The following C12orf42 variants were observed in gnomAD, a reference collection of about 807,000 sequenced individuals.
C12orf42 encodes the protein uncharacterized protein C12orf42.
C12orf42 carries 25 observed loss-of-function variants against 21.6 expected under a neutral mutation model. That is an observed-to-expected ratio of 1.16 (90% CI 0.84 to 1.62). The LOEUF (loss-of-function observed/expected upper bound fraction) is 1.62. Among genes scored for constraint, C12orf42 ranks in the 40% most tolerant of loss-of-function variants. The pLI is 0.00. For missense variants in C12orf42, 483 were observed against 459.3 expected (o/e 1.05, Z -0.47); for synonymous variants, 174 against 175.0 (o/e 0.99, Z 0.05).
the C12orf42 span, chr12:103,164,782 G>A: frequency 1.7e-3 from 763 of 445,930 alleles, 4 homozygotes; most frequent in African/African-American, 0.013. Context: ...TGATTCTGTC[G>A]TATTGAATTC....
intron 4 of C12orf42, among the ~76,000 whole-genome samples, chr12:103,361,864 G>A (rs755874828): frequency 1.3e-5 from 2 of 152,022 alleles, no homozygotes; most frequent in East Asian, 3.9e-4. Context: ...CACCCAAGGG[G>A]AGTCTAAGTT....
the C12orf42 span, among the ~76,000 whole-genome samples, chr12:103,108,914 G>A: frequency 2.6e-5 from 4 of 152,036 alleles, no homozygotes; most frequent in South Asian, 2.1e-4. Context: ...AGCTCCTATC[G>A]ATAAAATTAT....
At chr12:103,272,364 C>G (rs1398550294) in intron 5 of C12orf42, among the ~76,000 whole-genome samples, 1 of 152,134 alleles carries the variant, frequency 6.6e-6, no homozygotes, top group Non-Finnish European at 1.5e-5. Context: ...ATGCCAAGCA[C>G]TGTGCAAAAT....
chr12:103,163,814 T>C, the C12orf42 span, among the ~76,000 whole-genome samples: 1 of 152,112 alleles, frequency 6.6e-6, no homozygotes, highest in Non-Finnish European at 1.5e-5. Flanking sequence ...TCTGTAAAAT[T>C]GGGATAGTTA....
At chr12:103,178,571 G>T in the C12orf42 span, 1 of 152,156 alleles carries the variant, frequency 6.6e-6, no homozygotes, top group Non-Finnish European at 1.5e-5. Context: ...GTTTTGAGCT[G>T]CTCTTACACA....
the C12orf42 span, among the ~76,000 whole-genome samples, chr12:103,181,358 G>A: frequency 6.6e-5 from 10 of 152,302 alleles, no homozygotes; most frequent in Admixed American, 2.0e-4. Flanking sequence ...AGTGGTGGAT[G>A]AGAAATTTTC....
chr12:103,561,011 T>A, the C12orf42 span, among the ~76,000 whole-genome samples: 2 of 152,236 alleles, frequency 1.3e-5, no homozygotes, highest in Non-Finnish European at 2.9e-5. Flanking sequence ...CTTGATTTAT[T>A]CACCTCATTT....
At chr12:103,472,047 A>ATTTTTTTTTTTTTT (rs33994886) in intron 2 of C12orf42, 4 of 84,354 alleles carry the variant, frequency 4.7e-5, no homozygotes, top group Admixed American at 1.7e-4. Context: ...ATACAACTCA[A>ATTTTTTTTTTTTTT]TTTTTTTTTT....
At chr12:103,051,237 C>T in the C12orf42 span, among the ~76,000 whole-genome samples, 1 of 152,148 alleles carries the variant, frequency 6.6e-6, no homozygotes, top group Non-Finnish European at 1.5e-5. Context: ...TCTAGTTGAA[C>T]CATGCTTCAG....
chr12:103,396,014 CAT>C (rs962798459), intron 3 of C12orf42, among the ~76,000 whole-genome samples: 1 of 148,054 alleles, frequency 6.8e-6, no homozygotes, highest in Admixed American at 6.8e-5. Context: ...ATATATAAAA[CAT>C]AGTTATAACA....
chr12:103,460,283 AGAGAG>A (rs768549397), intron 2 of C12orf42, among the ~76,000 whole-genome samples: 5 of 56,800 alleles, frequency 8.8e-5, no homozygotes, highest in Non-Finnish European at 1.8e-4. Context: ...AAAAAAAAAA[AGAGAG>A]AGAGAGAGAG....
the C12orf42 span, among the ~76,000 whole-genome samples, chr12:103,098,623 G>A: frequency 2.0e-5 from 3 of 152,226 alleles, no homozygotes; most frequent in Middle Eastern, 3.4e-3. Flanking sequence ...CCTTGACATC[G>A]TGCAGCTTCA....
chr12:103,330,642 C>A (rs562808660), intron 4 of C12orf42, among the ~76,000 whole-genome samples: 2 of 152,310 alleles, frequency 1.3e-5, no homozygotes, highest in African/African-American at 4.8e-5. Context: ...AAATCTTTAT[C>A]TCTTGCTTTC....
chr12:103,451,225 ATTTAT>A (rs1190441643), intron 2 of C12orf42, among the ~76,000 whole-genome samples: 12 of 151,354 alleles, frequency 7.9e-5, no homozygotes, highest in African/African-American at 2.9e-4. Flanking sequence ...CATTTTATTT[ATTTAT>A]TTGTTTATTT....
At chr12:103,433,228 T>C (rs1035198026) in intron 2 of C12orf42, among the ~76,000 whole-genome samples, 1 of 152,240 alleles carries the variant, frequency 6.6e-6, no homozygotes, top group African/African-American at 2.4e-5. Flanking sequence ...CTTCCTTTCC[T>C]GTGTTTTACT....
At chr12:103,262,704 G>A (rs1165953106) in intron 10 of C12orf42, among the ~76,000 whole-genome samples, 1 of 152,166 alleles carries the variant, frequency 6.6e-6, no homozygotes, top group Non-Finnish European at 1.5e-5. Context: ...CACTGTTGGT[G>A]GGAGTGTAAA....
the C12orf42 span, among the ~76,000 whole-genome samples, chr12:103,071,444 A>T: frequency 6.6e-6 from 1 of 152,010 alleles, no homozygotes; most frequent in Non-Finnish European, 1.5e-5. Context: ...TTGAAATCAC[A>T]CCCTCAATCA....
chr12:103,411,482 T>C (rs1486458647), intron 2 of C12orf42, among the ~76,000 whole-genome samples: 1 of 152,230 alleles, frequency 6.6e-6, no homozygotes, highest in East Asian at 1.9e-4. Context: ...ATCTGAATGT[T>C]TGTATCTCTC....
At chr12:103,350,881 T>C (rs141893111) in intron 4 of C12orf42, among the ~76,000 whole-genome samples, 151 of 152,236 alleles carry the variant, frequency 9.9e-4, no homozygotes, top group Non-Finnish European at 1.8e-3. Context: ...TATTTAAATA[T>C]ATATTTCCCA....
Sources: gnomAD v4.1 joint callset for allele counts (sites outside exome capture counted in the v4.1 genomes callset) on GRCh38, gnomAD v4.1.1 for gene constraint, MANE v1.5 for transcripts, NCBI Gene and HGNC (gene_info 2026-07-23, HGNC 2026-07-21) for gene names.